Variants in MCF2L2 observed in about 807,000 individuals in gnomAD.
The protein encoded by MCF2L2 is MCF.2 cell line derived transforming sequence-like 2.
MCF2L2 carries 102 observed loss-of-function variants against 150.2 expected under a neutral mutation model. The observed-to-expected ratio is 0.68, with a 90% CI of 0.58 to 0.80. The LOEUF (loss-of-function observed/expected upper bound fraction) is 0.80, where lower values mean the gene tolerates loss of function less well. Among genes scored for constraint, MCF2L2 ranks in the 30% least tolerant of loss-of-function variants. The pLI is 0.00. For synonymous variants in MCF2L2, 465 were observed against 491.3 expected, an observed-to-expected ratio of 0.95 and a Z score of 0.71; for missense variants, 1,256 against 1,372.8, an observed-to-expected ratio of 0.91 and a Z score of 1.34.
At chr3:183,412,628 T>C (rs1475395575) in intron 1 of MCF2L2, among the ~76,000 whole-genome samples, 1 of 152,168 alleles carries the variant, frequency 6.6e-6, no homozygotes, top group East Asian at 1.9e-4. Flanking sequence ...GTGGATTCCC[T>C]AGGATTTTCT....
intron 1 of MCF2L2, among the ~76,000 whole-genome samples, chr3:183,419,915 T>G (rs1251638866): frequency 6.6e-6 from 1 of 152,200 alleles, no homozygotes; most frequent in Non-Finnish European, 1.5e-5. Flanking sequence ...AGAAATTTCT[T>G]CTGCCAGATA....
chr3:183,280,296 C>T (rs918786506), intron 14 of MCF2L2, among the ~76,000 whole-genome samples: 27 of 151,764 alleles, frequency 1.8e-4, no homozygotes, highest in East Asian at 9.6e-4. Context: ...TTGAAAAAAA[C>T]GCCTAGAGGA....
At chr3:183,296,245 G>A (rs924614289) in intron 12 of MCF2L2, 2 of 152,338 alleles carry the variant, frequency 1.3e-5, no homozygotes, top group African/African-American at 4.8e-5. Context: ...TGGCTTCATG[G>A]AAGAATATGC....
intron 3 of MCF2L2, 84 bp downstream of exon 3, chr3:183,379,213 T>C (rs1713370720): frequency 2.1e-6 from 2 of 940,418 alleles, no homozygotes; most frequent in Non-Finnish European, 3.2e-6. Context: ...CTCATGGAAG[T>C]ATATGTCTCA....
intron 5 of MCF2L2, among the ~76,000 whole-genome samples, chr3:183,330,068 T>C (rs1309157610): frequency 1.3e-5 from 2 of 148,180 alleles, no homozygotes; most frequent in African/African-American, 5.1e-5. Flanking sequence ...AACCCCTGTC[T>C]CTACAAAAAA....
intron 27 of MCF2L2, among the ~76,000 whole-genome samples, chr3:183,188,967 G>A (rs1218999833): frequency 2.7e-5 from 4 of 146,016 alleles, no homozygotes; most frequent in African/African-American, 8.1e-5. Context: ...AAACTCTATC[G>A]CAAAAAAAAA....
chr3:183,416,789 T>C (rs1311258758), intron 1 of MCF2L2, among the ~76,000 whole-genome samples: 1 of 152,050 alleles, frequency 6.6e-6, no homozygotes, highest in Non-Finnish European at 1.5e-5. Flanking sequence ...TTACACAGCA[T>C]TTATATTGTA....
chr3:183,349,188 C>T (rs1009990889), intron 3 of MCF2L2, among the ~76,000 whole-genome samples: 4 of 152,114 alleles, frequency 2.6e-5, no homozygotes, highest in African/African-American at 4.8e-5. Context: ...TTTCATTTAT[C>T]TTTGGTTCTT....
chr3:183,372,239 T>C (rs1168499125), intron 3 of MCF2L2: 2 of 152,070 alleles, frequency 1.3e-5, no homozygotes, highest in Non-Finnish European at 2.9e-5. Context: ...TCCCACTGAG[T>C]CTTTCAATAC....
chr3:183,229,981 G>A (rs796922541), intron 16 of MCF2L2, among the ~76,000 whole-genome samples, 200 bp from the exon 17 acceptor site: 151 of 152,186 alleles, frequency 9.9e-4, no homozygotes, highest in African/African-American at 3.5e-3. Context: ...TGGCTTAATG[G>A]CAATGATCAT....
rs960562642 is a variant in MCF2L2 at position 183,297,002 on chromosome 3, C to T, written c.1471G>A (p.Glu491Lys). Reference sequence around the variant, plus strand: ...TTTGCATCGAGGGTGAGCAGCAACTCAAACTCGTTGTAAAACTCCTTGGGG... The same window carrying T: ...TTTGCATCGAGGGTGAGCAGCAACTTAAACTCGTTGTAAAACTCCTTGGGG... The part of the protein sequence containing the change: ...LSPKEFYNEF[E>K]LLLTLDAKAK... The change falls in exon 12 of 30, where the codon GAG becomes AAG. Residue 491 changes from glutamate (E) to lysine (K), a missense_variant. Physicochemically the swap from Glu to Lys is moderately conservative, Grantham distance 56. Transcript: ENST00000328913. The T allele has an allele frequency of 1.2e-6, 2 of 1,613,824 alleles. No homozygotes were observed. Among genetic ancestry groups the T allele is most frequent in the African/African-American group, 2.7e-5 (2 of 74,906 alleles).
intron 1 of MCF2L2, among the ~76,000 whole-genome samples, chr3:183,392,826 C>G (rs1209010096): frequency 1.3e-5 from 2 of 152,202 alleles, no homozygotes; most frequent in East Asian, 3.9e-4. Flanking sequence ...AAAGATCACC[C>G]TGCGGCTGGC....
At position 183,335,231 on chromosome 3, in the gene MCF2L2, T is replaced by C. The variant is rs905882256; in HGVS notation, c.486+3569A>G. The stretch of plus-strand genomic sequence containing the variant: ...CCACGACCCAATCCTAGAGTAGATC[T>C]TCTACATATATCTTGTATATATGTA... On this transcript the variant is annotated intron_variant, in intron 5 of 29. Coordinates refer to ENST00000328913, the MANE Select transcript of MCF2L2 (RefSeq NM_015078.4). Among the ~76,000 whole-genome samples, 3 of 152,100 alleles carry C rather than the reference T, an allele frequency of 2.0e-5. No individual in the cohort carries two copies. In the South Asian group the frequency reaches 6.2e-4, roughly 32 times the overall value.
At chr3:183,205,195 A>G (rs1452362938) in intron 25 of MCF2L2, among the ~76,000 whole-genome samples, 1 of 152,156 alleles carries the variant, frequency 6.6e-6, no homozygotes, top group Non-Finnish European at 1.5e-5. Context: ...CCTGCCCAAC[A>G]TGGTGACACC....
chr3:183,195,780 T>C (rs1351881522), intron 25 of MCF2L2, among the ~76,000 whole-genome samples: 1 of 152,160 alleles, frequency 6.6e-6, no homozygotes, highest in African/African-American at 2.4e-5. Flanking sequence ...GCCATCTCAA[T>C]CTTTTTCCTT....
At chr3:183,331,442 A>G (rs1443104644) in intron 5 of MCF2L2, among the ~76,000 whole-genome samples, 1 of 152,182 alleles carries the variant, frequency 6.6e-6, no homozygotes, top group African/African-American at 2.4e-5. Flanking sequence ...TTCTTGTAAC[A>G]ATTGTTAAAA....
chr3:183,223,287 C>T (rs900646735), intron 20 of MCF2L2, 59 bp downstream of exon 20: 4 of 1,257,960 alleles, frequency 3.2e-6, no homozygotes, highest in Non-Finnish European at 3.5e-6. Flanking sequence ...ACGACATGGG[C>T]ACCACAGTGC....
At chr3:183,332,673 T>C (rs1730319926) in intron 5 of MCF2L2, among the ~76,000 whole-genome samples, 1 of 152,202 alleles carries the variant, frequency 6.6e-6, no homozygotes. Context: ...AGTCTTCATT[T>C]CTGAAGGGGA....
chr3:183,249,879 G>A (rs556017541), intron 15 of MCF2L2, among the ~76,000 whole-genome samples: 1 of 152,310 alleles, frequency 6.6e-6, no homozygotes, highest in East Asian at 1.9e-4. Flanking sequence ...GCAGTTACCA[G>A]GCATTCATTC....
Sources: allele counts gnomAD v4.1 joint callset (sites outside exome capture counted in the v4.1 genomes callset), GRCh38; gene constraint gnomAD v4.1.1; transcripts MANE v1.5; gene names NCBI Gene and HGNC (gene_info 2026-07-23, HGNC 2026-07-21).